The following SUPT3H variants were observed in gnomAD, a reference collection of about 807,000 sequenced individuals.
The protein encoded by SUPT3H is SPT3 homolog, SAGA and STAGA complex component, also known as transcription initiation protein SPT3 homolog.
SUPT3H carries 44 observed loss-of-function variants against 44.3 expected under a neutral mutation model. The ratio of observed to expected loss-of-function variants is 0.99; its 90% CI spans 0.78 to 1.28. The LOEUF (loss-of-function observed/expected upper bound fraction) is 1.28. Ranked by LOEUF, SUPT3H falls within the 50% of genes most tolerant of loss-of-function variation. The pLI is 0.00. For missense variants in SUPT3H, 380 were observed against 387.1 expected (o/e 0.98, Z 0.15); for synonymous variants, 124 against 125.6 (o/e 0.99, Z 0.09).
At chr6:45,164,656 A>G (rs1809563823) in intron 2 of SUPT3H, among the ~76,000 whole-genome samples, 1 of 152,152 alleles carries the variant, frequency 6.6e-6, no homozygotes. Flanking sequence ...AGTTCCCCTA[A>G]GGTCAGAGAA....
At chr6:44,903,638 T>G (rs1219369144) in intron 10 of SUPT3H, among the ~76,000 whole-genome samples, 1 of 152,110 alleles carries the variant, frequency 6.6e-6, no homozygotes, top group Non-Finnish European at 1.5e-5. Context: ...CTGAAAGTAT[T>G]CCAATCAACA....
At chr6:45,015,076 CT>C (rs2153514209) in intron 4 of SUPT3H, among the ~76,000 whole-genome samples, 185 bp from the exon 5 acceptor site, 1 of 152,222 alleles carries the variant, frequency 6.6e-6, no homozygotes, top group Non-Finnish European at 1.5e-5. Flanking sequence ...AAATACAAGT[CT>C]TTTAAAAAGC....
chr6:45,158,299 T>TATATATATATATATATATATATATATAA, intron 2 of SUPT3H, among the ~76,000 whole-genome samples: 1 of 13,418 alleles, frequency 7.5e-5, no homozygotes, highest in South Asian at 2.3e-3. Flanking sequence ...TATATATATA[T>TATATATATATATATATATATATATATAA]TTTTTTTTTT....
chr6:45,105,910 A>G lies in SUPT3H; in HGVS notation c.186+12T>C, dbSNP rs1388770359. 6.2e-6 allele frequency: 10 copies of G among 1,604,110 alleles called. No homozygotes were observed. In the Admixed American group the frequency reaches 6.7e-5, roughly 11 times the overall value. On this transcript the variant is annotated intron_variant, in intron 3 of 10. Coordinates refer to ENST00000371459, the MANE Select transcript of SUPT3H (RefSeq NM_003599.4). ...GAGAAGAGAAACCAAATCAAATTAT[A>G]TATGCTCTTACCAGATTAATTAACT...
chr6:44,910,257 A>G (rs1227513677), intron 10 of SUPT3H, among the ~76,000 whole-genome samples: 1 of 151,816 alleles, frequency 6.6e-6, no homozygotes, highest in Non-Finnish European at 1.5e-5. Context: ...GTTTCCCAAC[A>G]TTTCCCATTA....
chr6:44,920,816 T>A (rs991912825), intron 10 of SUPT3H, among the ~76,000 whole-genome samples: 2 of 152,196 alleles, frequency 1.3e-5, no homozygotes, highest in African/African-American at 2.4e-5. Context: ...TCCTCATCTT[T>A]GCCTGAACAG....
intron 2 of SUPT3H, among the ~76,000 whole-genome samples, chr6:45,335,098 T>C (rs1034390409): frequency 2.6e-5 from 4 of 151,250 alleles, no homozygotes; most frequent in South Asian, 4.1e-4. Context: ...TAAACAGGTA[T>C]ATTTTCTCAT....
chr6:45,371,143 T>C (rs1041193430), intron 1 of SUPT3H, among the ~76,000 whole-genome samples: 5 of 152,194 alleles, frequency 3.3e-5, no homozygotes, highest in Non-Finnish European at 4.4e-5. Flanking sequence ...GGTAAGTGTA[T>C]TTGACAAACA....
chr6:44,965,386 A>C (rs1776631772), intron 6 of SUPT3H, among the ~76,000 whole-genome samples: 1 of 152,206 alleles, frequency 6.6e-6, no homozygotes, highest in African/African-American at 2.4e-5. Context: ...TGTGAGAAAG[A>C]CTGGAAGCAC....
chr6:44,915,827 C>G (rs1767724624), intron 10 of SUPT3H, among the ~76,000 whole-genome samples: 1 of 152,088 alleles, frequency 6.6e-6, no homozygotes, highest in African/African-American at 2.4e-5. Flanking sequence ...TGGACCAGAC[C>G]AATAAATGTA....
At chr6:44,842,071 TGGAG>T (rs1407148944) in intron 10 of SUPT3H, among the ~76,000 whole-genome samples, 2 of 152,116 alleles carry the variant, frequency 1.3e-5, no homozygotes, top group Non-Finnish European at 2.9e-5. Flanking sequence ...GAGGCCTGAA[TGGAG>T]GAAGCCATGC....
At chr6:44,908,246 G>C (rs1300874317) in intron 10 of SUPT3H, among the ~76,000 whole-genome samples, 1 of 150,958 alleles carries the variant, frequency 6.6e-6, no homozygotes, top group Non-Finnish European at 1.5e-5. Flanking sequence ...CTGCCTCCTG[G>C]GTTCACATCA....
intron 2 of SUPT3H, among the ~76,000 whole-genome samples, chr6:45,173,612 G>C (rs115593452): frequency 2.2e-3 from 333 of 152,290 alleles, no homozygotes; most frequent in African/African-American, 7.7e-3. Context: ...AGTAGATGCA[G>C]AAGTTTGATT....
chr6:45,036,220 A>T (rs1787650334), intron 3 of SUPT3H, among the ~76,000 whole-genome samples: 1 of 152,180 alleles, frequency 6.6e-6, no homozygotes, highest in Non-Finnish European at 1.5e-5. Context: ...AGTAGGAAGG[A>T]TCAGGTGAGG....
chr6:45,324,500 T>C (rs981178478), intron 2 of SUPT3H, among the ~76,000 whole-genome samples: 6 of 151,726 alleles, frequency 4.0e-5, no homozygotes, highest in Non-Finnish European at 8.8e-5. Context: ...CTTAAGAATC[T>C]ACTTTGAGGC....
chr6:45,253,872 T>TATATATACAC (rs1491408260), intron 2 of SUPT3H, among the ~76,000 whole-genome samples: 2 of 124,076 alleles, frequency 1.6e-5, no homozygotes, highest in Admixed American at 8.2e-5. Flanking sequence ...TATATATATA[T>TATATATACAC]ACACACACAC....
At chr6:44,976,570 C>T (rs1778373544) in intron 6 of SUPT3H, among the ~76,000 whole-genome samples, 1 of 152,062 alleles carries the variant, frequency 6.6e-6, no homozygotes, top group Non-Finnish European at 1.5e-5. Context: ...ACCATGTTGG[C>T]TAGGCTGGTT....
intron 2 of SUPT3H, among the ~76,000 whole-genome samples, chr6:45,217,088 A>G (rs1400810145): frequency 1.1e-4 from 17 of 152,344 alleles, no homozygotes; most frequent in Admixed American, 1.0e-3. Flanking sequence ...TCAATGCCCC[A>G]TAGATACAAT....
chr6:44,862,451 C>T lies in SUPT3H; in HGVS notation c.913-32594G>A, dbSNP rs7767186. On this transcript the variant is annotated intron_variant, in intron 10 of 10. Coordinates refer to ENST00000371459, the MANE Select transcript of SUPT3H (RefSeq NM_003599.4). ...CAGCATTTTCGGAGGCCGAGGTGAG[C>T]GGATCACCTGTGGTCAGGAGTTTGA... Among the ~76,000 whole-genome samples the T allele has an allele frequency of 2.2e-3, 328 of 151,912 alleles. 1 individual carries two copies. The highest frequency in any genetic ancestry group is 7.3e-3 in the African/African-American group (304 of 41,440).
Sources: gnomAD v4.1 joint callset for allele counts (sites outside exome capture counted in the v4.1 genomes callset) on GRCh38, gnomAD v4.1.1 for gene constraint, MANE v1.5 for transcripts, NCBI Gene and HGNC (gene_info 2026-07-23, HGNC 2026-07-21) for gene names.